Variants in FZR1 observed in about 807,000 individuals in gnomAD.
The protein encoded by FZR1 is fizzy-related protein homolog.
In FZR1, 11 loss-of-function variants were observed where a neutral mutation model predicts 63.6. The ratio of observed to expected loss-of-function variants is 0.17; its 90% CI spans 0.11 to 0.29. The LOEUF is 0.29. Ranked by LOEUF, FZR1 falls within the 10% of genes least tolerant of loss-of-function variation. The pLI, the probability that FZR1 is intolerant of heterozygous loss-of-function variation, is 1.00. For synonymous variants in FZR1, 328 were observed against 297.9 expected, an observed-to-expected ratio of 1.10 and a Z score of -1.04; for missense variants, 440 against 687.5, an observed-to-expected ratio of 0.64 and a Z score of 4.03.
Position 3,514,010 on chromosome 19 carries a change from C to T in FZR1, c.-35+7536C>T, listed in dbSNP as rs1006953347. Among the ~76,000 whole-genome samples the T allele has an allele frequency of 1.3e-5, 2 of 152,178 alleles. No individual in the cohort carries two copies. The highest frequency in any genetic ancestry group is 4.8e-5 in the African/African-American group (2 of 41,446). On this transcript the variant is annotated intron_variant, in intron 1 of 13. Coordinates refer to ENST00000441788, the MANE Select transcript of FZR1 (RefSeq NM_016263.4). This position sits in a 1 kb window ranked among gnomAD's most constrained non-coding sequence, Gnocchi z 4.2. ...GTTTTCCCAGCCAAGCAAGGCGTTG[C>T]AGGAGTAGGAGCTTGGCTGAGCCTC...
Position 3,526,047 on chromosome 19 carries a change from C to G in FZR1, c.195+54C>G. 2 of 1,611,792 alleles carry G rather than the reference C, an allele frequency of 1.2e-6. No individual in the cohort carries two copies. The highest frequency in any genetic ancestry group is 1.7e-6 in the Non-Finnish European group (2 of 1,179,344). On this transcript the variant is annotated intron_variant, in intron 3 of 13. Coordinates refer to ENST00000441788, the MANE Select transcript of FZR1 (RefSeq NM_016263.4). The surrounding 1 kb of genome is among the most constrained non-coding windows in gnomAD (Gnocchi z 5.4). Reference sequence around the variant, plus strand: ...ACCCCCCGGGAAGCCCAGGGCCCCTCCCAGCCTCCTTGCTCTAGGGCCGGG... The same window carrying G: ...ACCCCCCGGGAAGCCCAGGGCCCCTGCCAGCCTCCTTGCTCTAGGGCCGGG...
intron 1 of FZR1, among the ~76,000 whole-genome samples, chr19:3,521,997 C>T (rs2083106711): frequency 6.6e-6 from 1 of 152,142 alleles, no homozygotes; most frequent in Admixed American, 6.5e-5. Flanking sequence ...GCTGGGACCA[C>T]AGGTGCGCGC....
intron 7 of FZR1, among the ~76,000 whole-genome samples, chr19:3,529,157 G>A (rs77826072): frequency 0.14 from 6,424 of 46,444 alleles, 1,106 homozygotes; most frequent in African/African-American, 0.45. Flanking sequence ...AGAGCGGATG[G>A]GAGAGCGGTT....
rs2029998398 is a variant in FZR1 at position 3,537,002 on chromosome 19, G to T, written c.*2166G>T. The T allele has an allele frequency of 6.7e-6, 1 of 150,078 alleles. No individual in the cohort carries two copies. Among genetic ancestry groups the T allele is most frequent in the African/African-American group, 2.4e-5 (1 of 41,086 alleles). The allele number at this position is 150,078 out of a possible 1,614,324, so 9.3% of individuals were successfully genotyped here. A position where few individuals can be genotyped will look rare whatever the true frequency, so the allele number is the denominator to read the frequency against. The stretch of plus-strand genomic sequence containing the variant: ...CAGGCAAGTCCCTGCGCTCCAGCTG[G>T]ACGGCCCTGTTCCAGGGAGGAGGTG... On this transcript the variant is annotated 3_prime_UTR_variant, in exon 14 of 14. Transcript: ENST00000441788.
Position 3,532,583 on chromosome 19 carries a change from C to G in FZR1, c.1175C>G (p.Pro392Arg). The change falls in exon 11 of 14, where the codon CCA becomes CGA. Residue 392 changes from proline (P) to arginine (R), a missense_variant. Physicochemically the swap from Pro to Arg is moderately radical, Grantham distance 103. Around this residue, in one of 5 missense-constraint regions of FZR1, gnomAD observed 208 missense variants for 363.6 expected, o/e 0.57. Transcript: ENST00000441788. ...IRFWNTLTGQ[P>R]LQCIDTGSQV... ...TTCTGGAACACGCTGACAGGACAACCACTGCAGTGTATCGACACGGGCTCC... is the reference window on the plus strand; with the variant it reads ...TTCTGGAACACGCTGACAGGACAACGACTGCAGTGTATCGACACGGGCTCC... 1 of 1,612,784 alleles carries G rather than the reference C, an allele frequency of 6.2e-7. No homozygotes were observed. Among genetic ancestry groups the G allele is most frequent in the Non-Finnish European group, 8.5e-7 (1 of 1,179,852 alleles).
rs1421331276 is a variant in FZR1, at chr19:3,526,097, CCT to C, written c.196-18_196-17del. 7 of 1,612,508 alleles carry C rather than the reference CCT, an allele frequency of 4.3e-6. No individual in the cohort carries two copies. The highest frequency in any genetic ancestry group is 1.1e-5 in the South Asian group (1 of 91,066). ...GAACAAGCGGGCTCCTCGACCCCTC[CCT>C]CTCTGCTCTCCTGCCTGCAGGAGAA... On this transcript the variant is annotated intron_variant, in intron 3 of 13. Coordinates refer to ENST00000441788, the MANE Select transcript of FZR1 (RefSeq NM_016263.4). This position sits in a 1 kb window ranked among gnomAD's most constrained non-coding sequence, Gnocchi z 5.4.
intron 1 of FZR1, among the ~76,000 whole-genome samples, chr19:3,520,059 G>A (rs1278167382): frequency 1.3e-5 from 2 of 152,226 alleles, no homozygotes; most frequent in African/African-American, 4.8e-5. Flanking sequence ...TGGGGCTCAG[G>A]TCTCTATAGA....
rs1405020635 is a variant in FZR1 at position 3,515,932 on chromosome 19, T to C, written c.-34-7024T>C. Among the ~76,000 whole-genome samples the C allele has an allele frequency of 6.6e-6, 1 of 152,158 alleles. No homozygotes were observed. The highest frequency in any genetic ancestry group is 1.5e-5 in the Non-Finnish European group (1 of 68,024). ...AGTGTGCTCTGCATGGCCATTTTTCTGTGCAGTGGGTCTCACAGCCTCTTC... is the reference window on the plus strand; with the variant it reads ...AGTGTGCTCTGCATGGCCATTTTTCCGTGCAGTGGGTCTCACAGCCTCTTC... On this transcript the variant is annotated intron_variant, in intron 1 of 13. Transcript: ENST00000441788. This position sits in a 1 kb window ranked among gnomAD's most constrained non-coding sequence, Gnocchi z 4.6.
chr19:3,521,880 A>G (rs1250126863), intron 1 of FZR1, among the ~76,000 whole-genome samples: 2 of 146,482 alleles, frequency 1.4e-5, no homozygotes, highest in Admixed American at 6.8e-5. Flanking sequence ...TTCTTGAGAC[A>G]GAGTCTTGCT....
intron 10 of FZR1, 83 bp downstream of exon 10, chr19:3,532,178 GGCGGGC>G (rs1263295874): frequency 6.5e-5 from 85 of 1,304,296 alleles, no homozygotes; most frequent in South Asian, 2.0e-4. Context: ...CCTGGGCTGG[GGCGGGC>G]GCGGGCGCGG....
intron 1 of FZR1, among the ~76,000 whole-genome samples, chr19:3,522,669 C>A: frequency 6.6e-6 from 1 of 152,224 alleles, no homozygotes; most frequent in East Asian, 1.9e-4. Context: ...CAGGACTCTT[C>A]CCAGCCCCCG....
intron 11 of FZR1, among the ~76,000 whole-genome samples, chr19:3,532,860 C>T (rs890163603): frequency 2.6e-5 from 4 of 152,168 alleles, no homozygotes; most frequent in Admixed American, 2.6e-4. Flanking sequence ...GACTTGGGGC[C>T]TCTGGGCCCC....
intron 7 of FZR1, 71 bp downstream of exon 7, chr19:3,527,885 C>T (rs180684067): frequency 5.7e-5 from 71 of 1,253,636 alleles, no homozygotes; most frequent in African/African-American, 5.5e-4. Flanking sequence ...ATGTACCCAC[C>T]GGGATCCAGG....
rs951369556 is a variant in FZR1 at position 3,506,431 on chromosome 19, G to A, written c.-78G>A. The A allele has an allele frequency of 6.6e-6, 1 of 151,042 alleles. No individual in the cohort carries two copies. The highest frequency in any genetic ancestry group is 2.4e-5 in the African/African-American group (1 of 41,324). 9.4% of individuals were successfully genotyped at this position (151,042 alleles called of 1,614,324 possible). A position where few individuals can be genotyped will look rare whatever the true frequency, so the allele number is the denominator to read the frequency against. On this transcript the variant is annotated 5_prime_UTR_variant, in exon 1 of 14. Transcript: ENST00000441788. ...AGGCGGGCGCTGTGCGGTGCCAGGA[G>A]AGGCGGGGTCGGCGGGAGCCAGCGA... is the stretch of plus-strand genomic sequence containing the variant.
Position 3,533,665 on chromosome 19 carries a change from A to C in FZR1, c.1347+267A>C. On this transcript the variant is annotated intron_variant, in intron 12 of 13. Transcript: ENST00000441788. This position sits in a 1 kb window ranked among gnomAD's most constrained non-coding sequence, Gnocchi z 4.9. ...TCTTCATTTGTTTATTTTCCCCATA[A>C]AGAGGGGTGAAGAGGAAAGCCAAAA... 2.4e-6 allele frequency: 1 copy of C among 418,328 alleles called. No homozygotes were observed. Among genetic ancestry groups the C allele is most frequent in the Non-Finnish European group, 4.4e-6 (1 of 228,816 alleles). 25.9% of individuals were successfully genotyped at this position (418,328 alleles called of 1,614,324 possible).
chr19:3,518,868 T>TA (rs1046659529), intron 1 of FZR1, among the ~76,000 whole-genome samples: 3 of 151,946 alleles, frequency 2.0e-5, no homozygotes, highest in African/African-American at 4.8e-5. Flanking sequence ...CCTGTCTCCA[T>TA]AAAAAAAAGT....
intron 1 of FZR1, 105 bp downstream of exon 1, chr19:3,506,579 C>G (rs1178232034): frequency 6.6e-6 from 1 of 151,836 alleles, no homozygotes; most frequent in Non-Finnish European, 1.5e-5. Context: ...ACCCCCACCC[C>G]AGCTCAGGCC....
At chr19:3,509,983 G>A (rs548914091) in intron 1 of FZR1, among the ~76,000 whole-genome samples, 34 of 152,094 alleles carry the variant, frequency 2.2e-4, no homozygotes, top group East Asian at 1.4e-3. Context: ...TCCACTCGCC[G>A]GCTGATCGTG....
rs2030016687 is a variant in FZR1 at position 3,537,369 on chromosome 19, T to C, written c.*2533T>C. On this transcript the variant is annotated 3_prime_UTR_variant, in exon 14 of 14. Transcript: ENST00000441788. ...TCGCTTCCTGGGGCGACCCTGGCAGTGGTTGGGAGACGCCCAGATGGAGGG... is the reference window on the plus strand; with the variant it reads ...TCGCTTCCTGGGGCGACCCTGGCAGCGGTTGGGAGACGCCCAGATGGAGGG... 6.6e-6 allele frequency: 1 copy of C among 152,068 alleles called. No individual in the cohort carries two copies. The highest frequency in any genetic ancestry group is 2.4e-5 in the African/African-American group (1 of 41,390). 9.4% of individuals were successfully genotyped at this position (152,068 alleles called of 1,614,324 possible). A position where few individuals can be genotyped will look rare whatever the true frequency, so the allele number is the denominator to read the frequency against.
Sources: allele counts gnomAD v4.1 joint callset (sites outside exome capture counted in the v4.1 genomes callset), GRCh38; gene constraint gnomAD v4.1.1; regional missense constraint gnomAD v4.1.1; non-coding constraint Gnocchi (gnomAD v3.1); transcripts MANE v1.5; gene names NCBI Gene and HGNC (gene_info 2026-07-23, HGNC 2026-07-21).